Variants in BORCS5 observed in about 807,000 individuals in gnomAD.
The protein encoded by BORCS5 is BLOC-1 related complex subunit 5.
Under a neutral mutation model 22.1 loss-of-function variants are expected in BORCS5, and 17 were observed. That is an observed-to-expected ratio of 0.77 (90% CI 0.53 to 1.15). The LOEUF is 1.15. Among genes scored for constraint, BORCS5 ranks in the 50% most tolerant of loss-of-function variants. The pLI is 0.00. For missense variants in BORCS5, 247 were observed against 253.2 expected (o/e 0.98, Z 0.17); for synonymous variants, 117 against 99.8 (o/e 1.17, Z -1.03).
At chr12:12,439,641 T>A (rs931471074) in intron 3 of BORCS5, among the ~76,000 whole-genome samples, 1 of 152,204 alleles carries the variant, frequency 6.6e-6, no homozygotes, top group Non-Finnish European at 1.5e-5. Flanking sequence ...ATAAACAGTT[T>A]AAAATTCTGT....
At chr12:12,404,573 G>A (rs7953025) in intron 2 of BORCS5, among the ~76,000 whole-genome samples, 90,379 of 152,058 alleles carry the variant, frequency 0.59, 28,158 homozygotes, top group African/African-American at 0.78. Context: ...GGCAACACCT[G>A]CATTTTGGAA....
At chr12:12,364,124 C>G (rs534506901) in intron 2 of BORCS5, among the ~76,000 whole-genome samples, 104 of 152,144 alleles carry the variant, frequency 6.8e-4, no homozygotes, top group Non-Finnish European at 1.2e-3. Flanking sequence ...GCCTGTAATC[C>G]TAGTACTTTG....
chr12:12,363,176 C>A (rs551867151), intron 2 of BORCS5, among the ~76,000 whole-genome samples: 3 of 151,678 alleles, frequency 2.0e-5, no homozygotes, highest in Non-Finnish European at 4.4e-5. Context: ...ACATACCTGT[C>A]GTCCCAGCTA....
chr12:12,419,564 A>G (rs554105625), intron 2 of BORCS5, among the ~76,000 whole-genome samples: 2 of 152,316 alleles, frequency 1.3e-5, no homozygotes, highest in African/African-American at 4.8e-5. Flanking sequence ...ATACCCAGTA[A>G]TGGGATGGCT....
chr12:12,384,510 CTTA>C (rs1863839746), intron 2 of BORCS5, among the ~76,000 whole-genome samples: 1 of 149,454 alleles, frequency 6.7e-6, no homozygotes, highest in Non-Finnish European at 1.5e-5. Flanking sequence ...CTTTGTAGGT[CTTA>C]TAATTTTTTT....
chr12:12,412,655 G>A (rs1941766201), intron 2 of BORCS5, among the ~76,000 whole-genome samples: 1 of 151,986 alleles, frequency 6.6e-6, no homozygotes, highest in South Asian at 2.1e-4. Flanking sequence ...CCATTATTAT[G>A]TTGAATAGAA....
At chr12:12,429,650 C>T (rs943615736) in intron 2 of BORCS5, among the ~76,000 whole-genome samples, 5 of 152,158 alleles carry the variant, frequency 3.3e-5, no homozygotes, top group Non-Finnish European at 4.4e-5. Context: ...CCTATTAGAC[C>T]TGGCAACCTT....
chr12:12,462,131 A>C (rs145156890), intron 3 of BORCS5, among the ~76,000 whole-genome samples: 1 of 152,188 alleles, frequency 6.6e-6, no homozygotes, highest in African/African-American at 2.4e-5. Flanking sequence ...ATGGCACGTG[A>C]TGCTACTCAA....
intron 2 of BORCS5, among the ~76,000 whole-genome samples, chr12:12,365,073 G>A (rs1434154758): frequency 1.3e-5 from 2 of 152,220 alleles, no homozygotes; most frequent in African/African-American, 4.8e-5. Flanking sequence ...TTTTAACTGG[G>A]ACTTTGCCAC....
At chr12:12,377,815 C>G (rs1863688347) in intron 2 of BORCS5, among the ~76,000 whole-genome samples, 1 of 151,990 alleles carries the variant, frequency 6.6e-6, no homozygotes, top group Non-Finnish European at 1.5e-5. Flanking sequence ...AGGACAGTTA[C>G]AAGTGAAGAA....
intron 2 of BORCS5, among the ~76,000 whole-genome samples, chr12:12,374,984 T>A (rs1196627985): frequency 6.6e-6 from 1 of 151,944 alleles, no homozygotes; most frequent in Non-Finnish European, 1.5e-5. Context: ...TAACCAAGTT[T>A]GTATTTGGAA....
At chr12:12,443,409 C>T (rs1337453657) in intron 3 of BORCS5, among the ~76,000 whole-genome samples, 2 of 152,316 alleles carry the variant, frequency 1.3e-5, no homozygotes, top group East Asian at 1.9e-4. Context: ...ATTATAGTTT[C>T]CCCCCTTCTT....
At chr12:12,432,666 A>T (rs578191933) in intron 2 of BORCS5, among the ~76,000 whole-genome samples, 2 of 152,232 alleles carry the variant, frequency 1.3e-5, no homozygotes, top group East Asian at 3.8e-4. Flanking sequence ...TCTGATACAT[A>T]TATACCATGG....
chr12:12,405,042 T>C (rs1256312177), intron 2 of BORCS5, among the ~76,000 whole-genome samples: 1 of 152,102 alleles, frequency 6.6e-6, no homozygotes, highest in East Asian at 1.9e-4. Flanking sequence ...CCATACACAC[T>C]TTTTCCCTTA....
At position 12,444,707 on chromosome 12, in the gene BORCS5, GTCC is replaced by G. The variant is rs200525268; in HGVS notation, c.360+8927_360+8929del. Among the ~76,000 whole-genome samples the G allele has an allele frequency of 3.1e-3, 465 of 152,188 alleles. 4 individuals carry two copies. Among genetic ancestry groups the G allele is most frequent in the African/African-American group, 9.6e-3 (400 of 41,526 alleles). On this transcript the variant is annotated intron_variant, in intron 3 of 3. Coordinates refer to ENST00000314565, the MANE Select transcript of BORCS5 (RefSeq NM_058169.6). ...CCATGGTAAATTTTGCTTGGTTTAA[GTCC>G]TCCTGCCAATGAAAACCAAGTGACA...
chr12:12,414,464 G>A (rs1271988665), intron 2 of BORCS5, among the ~76,000 whole-genome samples: 15 of 90,656 alleles, frequency 1.7e-4, no homozygotes, highest in African/African-American at 3.8e-4. Flanking sequence ...CGGACGGGGC[G>A]GCTGGCTGGG....
chr12:12,447,643 T>G (rs903433784), intron 3 of BORCS5, among the ~76,000 whole-genome samples: 1 of 152,194 alleles, frequency 6.6e-6, no homozygotes, highest in Non-Finnish European at 1.5e-5. Flanking sequence ...TGGAGGATTT[T>G]AGCTGTAAAA....
chr12:12,357,310 C>A lies in BORCS5; in HGVS notation c.-142C>A. The A allele has an allele frequency of 6.8e-7, 1 of 1,464,072 alleles. No individual in the cohort carries two copies. The highest frequency in any genetic ancestry group is 1.4e-5 in the South Asian group (1 of 72,506). 90.7% of individuals were successfully genotyped at this position (1,464,072 alleles called of 1,614,324 possible). On this transcript the variant is annotated 5_prime_UTR_variant, in exon 1 of 4. Coordinates refer to ENST00000314565, the MANE Select transcript of BORCS5 (RefSeq NM_058169.6). ...AGGCCCCTGCGTGGGCTGGACGCGTCAGCCCCACACATTAGCCTCGCTGCG... is the reference window on the plus strand; with the variant it reads ...AGGCCCCTGCGTGGGCTGGACGCGTAAGCCCCACACATTAGCCTCGCTGCG...
At chr12:12,409,627 C>T (rs1489722585) in intron 2 of BORCS5, among the ~76,000 whole-genome samples, 9 of 152,138 alleles carry the variant, frequency 5.9e-5, no homozygotes, top group Non-Finnish European at 1.3e-4. Flanking sequence ...TCCAGTCTAT[C>T]ATTGTTGGAC....
Sources: allele counts gnomAD v4.1 joint callset (sites outside exome capture counted in the v4.1 genomes callset), GRCh38; gene constraint gnomAD v4.1.1; transcripts MANE v1.5; gene names NCBI Gene and HGNC (gene_info 2026-07-23, HGNC 2026-07-21).